TMEM132B: variants seen among roughly 807,000 people sequenced by gnomAD.
The protein encoded by TMEM132B is transmembrane protein 132B.
In TMEM132B, 18 loss-of-function variants were observed where a neutral mutation model predicts 90.8. That is an observed-to-expected ratio of 0.20 (90% CI 0.14 to 0.29). The LOEUF (loss-of-function observed/expected upper bound fraction) is 0.29. Among genes scored for constraint, TMEM132B ranks in the 10% least tolerant of loss-of-function variants. TMEM132B has a pLI of 1.00. For missense variants in TMEM132B, 1,096 were observed against 1,326.8 expected, an observed-to-expected ratio of 0.83 and a Z score of 2.70; for synonymous variants, 504 against 523.3, an observed-to-expected ratio of 0.96 and a Z score of 0.50.
chr12:125,271,392 G>A (rs1175158048), intron 1 of TMEM132B, among the ~76,000 whole-genome samples: 4 of 152,180 alleles, frequency 2.6e-5, no homozygotes, highest in African/African-American at 9.7e-5. Context: ...AAGGAATTCC[G>A]CAATTGTTTG....
chr12:125,576,039 T>A (rs1156299355), intron 4 of TMEM132B, among the ~76,000 whole-genome samples: 1 of 152,078 alleles, frequency 6.6e-6, no homozygotes, highest in Non-Finnish European at 1.5e-5. Flanking sequence ...TTGATAGCAA[T>A]TACATTGAAT....
chr12:125,646,152 G>A (rs1886759544), intron 6 of TMEM132B, among the ~76,000 whole-genome samples: 1 of 152,334 alleles, frequency 6.6e-6, no homozygotes, highest in East Asian at 1.9e-4. Context: ...TTCTGGTTAG[G>A]TGGTGACAGA....
intron 3 of TMEM132B, among the ~76,000 whole-genome samples, chr12:125,494,279 T>TC: frequency 1.1e-5 from 1 of 93,018 alleles, no homozygotes; most frequent in Non-Finnish European, 2.1e-5. Flanking sequence ...AATGGCTGCA[T>TC]CCCTCCTCCC....
At chr12:125,610,137 G>A (rs146589202) in intron 5 of TMEM132B, among the ~76,000 whole-genome samples, 1 of 152,048 alleles carries the variant, frequency 6.6e-6, no homozygotes, top group East Asian at 1.9e-4. Flanking sequence ...TTATTAGTGG[G>A]TTCCATAGGA....
At chr12:125,556,587 A>G (rs764323814) in intron 4 of TMEM132B, among the ~76,000 whole-genome samples, 4 of 152,322 alleles carry the variant, frequency 2.6e-5, no homozygotes, top group Non-Finnish European at 4.4e-5. Flanking sequence ...TTCCGTATGA[A>G]TAAGAGCTCA....
At chr12:125,529,520 T>A (rs2136691477) in intron 4 of TMEM132B, among the ~76,000 whole-genome samples, 1 of 152,328 alleles carries the variant, frequency 6.6e-6, no homozygotes, top group African/African-American at 2.4e-5. Flanking sequence ...AGCCTTTCTC[T>A]GCCTTCCCAC....
intron 2 of TMEM132B, among the ~76,000 whole-genome samples, chr12:125,402,418 C>G (rs973883895): frequency 1.3e-5 from 2 of 152,192 alleles, no homozygotes; most frequent in Non-Finnish European, 2.9e-5. Context: ...CTCAGGTGAC[C>G]TGCCCACTTT....
chr12:125,579,678 A>G (rs138773292), intron 4 of TMEM132B, among the ~76,000 whole-genome samples: 2,263 of 152,190 alleles, frequency 0.015, 49 homozygotes, highest in African/African-American at 0.05. Context: ...ACTTTCTTTT[A>G]GTACTTTAGA....
At chr12:125,264,147 C>T (rs1593060718) in intron 1 of TMEM132B, among the ~76,000 whole-genome samples, 1 of 152,254 alleles carries the variant, frequency 6.6e-6, no homozygotes, top group Admixed American at 6.5e-5. Context: ...GCTTGTGGCC[C>T]CTTCCTCCGT....
At chr12:125,198,092 T>G (rs541595931) in intron 1 of TMEM132B, among the ~76,000 whole-genome samples, 1 of 152,354 alleles carries the variant, frequency 6.6e-6, no homozygotes, top group East Asian at 1.9e-4. Flanking sequence ...ACCTTGTGTT[T>G]CTTCATATTG....
intron 4 of TMEM132B, among the ~76,000 whole-genome samples, chr12:125,573,251 G>A (rs1167788093): frequency 3.9e-5 from 6 of 152,090 alleles, no homozygotes; most frequent in African/African-American, 1.2e-4. Context: ...ACACACCTAC[G>A]TTATACATAG....
intron 1 of TMEM132B, among the ~76,000 whole-genome samples, chr12:125,341,837 A>T (rs1027246338): frequency 6.6e-6 from 1 of 152,200 alleles, no homozygotes; most frequent in Non-Finnish European, 1.5e-5. Context: ...GAGGTAGTTG[A>T]TGAGGTAGCG....
At chr12:125,580,644 C>T (rs1398753410) in intron 4 of TMEM132B, among the ~76,000 whole-genome samples, 2 of 152,068 alleles carry the variant, frequency 1.3e-5, no homozygotes, top group East Asian at 1.9e-4. Context: ...AATAATTAGC[C>T]ATTTTTTCTT....
chr12:125,188,852 C>CAAAAAAAAAAAAAAA (rs72059024), intron 1 of TMEM132B, among the ~76,000 whole-genome samples: 1 of 91,222 alleles, frequency 1.1e-5, no homozygotes, highest in Admixed American at 1.2e-4. Flanking sequence ...GGAGGGATGG[C>CAAAAAAAAAAAAAAA]AAAAAAAAAA....
intron 4 of TMEM132B, among the ~76,000 whole-genome samples, chr12:125,583,245 A>G (rs1379427278): frequency 6.6e-6 from 1 of 152,170 alleles, no homozygotes; most frequent in Non-Finnish European, 1.5e-5. Flanking sequence ...GGATCAATCA[A>G]CAGAAGAAGT....
In TMEM132B at chr12:125,455,063, A is replaced by C. The variant is rs1286374956; in HGVS notation, c.1106+39386A>C. Among the ~76,000 whole-genome samples, 3 of 152,294 alleles carry C rather than the reference A, an allele frequency of 2.0e-5. No homozygotes were observed. In the East Asian group the frequency reaches 5.8e-4, roughly 29 times the overall value. ...GTTTGAGTTTACTAGAGTGCAACAA[A>C]CAACCATTGACGATTCAAGGGAATT... is the stretch of plus-strand genomic sequence containing the variant. On this transcript the variant is annotated intron_variant, in intron 3 of 8. Coordinates refer to ENST00000682704, the MANE Select transcript of TMEM132B (RefSeq NM_001366854.1).
At chr12:125,505,674 G>C (rs952489305) in intron 3 of TMEM132B, among the ~76,000 whole-genome samples, 2 of 151,672 alleles carry the variant, frequency 1.3e-5, no homozygotes, top group Non-Finnish European at 2.9e-5. Context: ...CTCAAGCTTG[G>C]GCGACAAGAG....
chr12:125,618,188 T>A (rs370163503), intron 5 of TMEM132B, among the ~76,000 whole-genome samples: 1 of 152,174 alleles, frequency 6.6e-6, no homozygotes, highest in Admixed American at 6.5e-5. Context: ...TAGCCTCTAG[T>A]ATTCTCAGCC....
chr12:125,416,833 C>G (rs938851519), intron 3 of TMEM132B, among the ~76,000 whole-genome samples: 1 of 152,234 alleles, frequency 6.6e-6, no homozygotes, highest in Non-Finnish European at 1.5e-5. Flanking sequence ...TTTCAGCCCA[C>G]AACCCTGCTT....
Sources: allele counts gnomAD v4.1 joint callset (sites outside exome capture counted in the v4.1 genomes callset), GRCh38; gene constraint gnomAD v4.1.1; transcripts MANE v1.5; gene names NCBI Gene and HGNC (gene_info 2026-07-23, HGNC 2026-07-21).